The following TBL1XR1 variants were observed in gnomAD, a reference collection of about 807,000 sequenced individuals.
TBL1XR1 encodes the protein TBL1X/Y related 1.
A neutral mutation model predicts 66.9 loss-of-function variants in TBL1XR1; 5 were observed. The observed-to-expected ratio is 0.07, with a 90% CI of 0.04 to 0.16. The LOEUF (loss-of-function observed/expected upper bound fraction) is 0.16, where lower values mean the gene tolerates loss of function less well. Ranked by LOEUF, TBL1XR1 falls within the 10% of genes least tolerant of loss-of-function variation. The pLI is 1.00. For missense variants in TBL1XR1, 238 were observed against 623.2 expected (o/e 0.38, Z 6.58); for synonymous variants, 210 against 206.0 (o/e 1.02, Z -0.17).
chr3:177,139,512 G>A (rs1337105896), intron 1 of TBL1XR1, among the ~76,000 whole-genome samples: 1 of 149,672 alleles, frequency 6.7e-6, no homozygotes, highest in Non-Finnish European at 1.5e-5. Flanking sequence ...TCCAGCCTGG[G>A]TGACAAAGCA....
At chr3:177,175,038 CT>C (rs1303761941) in intron 1 of TBL1XR1, among the ~76,000 whole-genome samples, 1 of 152,180 alleles carries the variant, frequency 6.6e-6, no homozygotes, top group Admixed American at 6.5e-5. Flanking sequence ...TGTTTGGCAT[CT>C]TTATTCCCTG....
chr3:177,200,298 C>T (rs112238672), upstream of TBL1XR1, among the ~76,000 whole-genome samples: 1 of 151,984 alleles, frequency 6.6e-6, no homozygotes, highest in Admixed American at 6.6e-5. Context: ...AACAAACAAA[C>T]AAAAATAGGG....
intron 1 of TBL1XR1, among the ~76,000 whole-genome samples, chr3:177,122,613 A>G (rs1727109443): frequency 6.6e-6 from 1 of 152,128 alleles, no homozygotes; most frequent in Non-Finnish European, 1.5e-5. Context: ...TAGCTTTCAT[A>G]ATGTTATTAA....
chr3:177,038,204 T>C (rs952950625), intron 11 of TBL1XR1, 32 bp from the exon 12 acceptor site: 3 of 1,608,610 alleles, frequency 1.9e-6, no homozygotes, highest in African/African-American at 2.7e-5. Context: ...CACATTTTCA[T>C]TGTATAGACT....
At chr3:177,159,485 A>C (rs1328448287) in intron 1 of TBL1XR1, among the ~76,000 whole-genome samples, 1 of 152,216 alleles carries the variant, frequency 6.6e-6, no homozygotes, top group East Asian at 1.9e-4. Flanking sequence ...ATAAATGACA[A>C]GCTTGATCAA....
At chr3:177,156,458 C>A (rs186599994) in intron 1 of TBL1XR1, among the ~76,000 whole-genome samples, 2 of 150,078 alleles carry the variant, frequency 1.3e-5, no homozygotes, top group Non-Finnish European at 3.0e-5. Flanking sequence ...AAGAACACGC[C>A]ATTGCAGCCT....
chr3:177,177,313 G>C (rs1489216944), intron 1 of TBL1XR1, among the ~76,000 whole-genome samples: 1 of 152,030 alleles, frequency 6.6e-6, no homozygotes, highest in Non-Finnish European at 1.5e-5. Flanking sequence ...AACCGGGTGT[G>C]GTGGCGTGCG....
At chr3:177,196,194 A>G (rs1454965680) in intron 1 of TBL1XR1, 1 of 152,156 alleles carries the variant, frequency 6.6e-6, no homozygotes, top group Non-Finnish European at 1.5e-5. Context: ...GCTGCCATTT[A>G]AGATTAATAT....
rs958824432 is a variant in TBL1XR1, at chr3:177,135,004, G to A, written c.-121-36463C>T. 3.0e-4 allele frequency among the ~76,000 whole-genome samples: 23 copies of A among 75,890 alleles called. 1 individual carries two copies. The highest frequency in any genetic ancestry group is 6.2e-4 in the South Asian group (2 of 3,232). The allele number at this position is 75,890 out of a possible 152,430, so 49.8% of individuals were successfully genotyped here. A position where few individuals can be genotyped will look rare whatever the true frequency, so the allele number is the denominator to read the frequency against. ...CTGTGTGTGTGTGTTTTGAGACGGC[G>A]TCTTGCTCTGTCACTCAGGCTGGAG... On this transcript the variant is annotated intron_variant, in intron 1 of 15. Coordinates refer to ENST00000457928, the MANE Select transcript of TBL1XR1 (RefSeq NM_024665.7).
At chr3:177,043,361 T>C (rs1341353747) in intron 10 of TBL1XR1, among the ~76,000 whole-genome samples, 2 of 152,184 alleles carry the variant, frequency 1.3e-5, no homozygotes, top group Admixed American at 1.3e-4. Context: ...TGCATTATCA[T>C]TTTAAAATGT....
At chr3:177,077,896 T>C (rs538439397) in intron 2 of TBL1XR1, among the ~76,000 whole-genome samples, 3 of 152,336 alleles carry the variant, frequency 2.0e-5, no homozygotes, top group African/African-American at 4.8e-5. Flanking sequence ...AGTCAGAACG[T>C]TGACATTTTC....
At chr3:177,192,381 A>C (rs1023703160) in intron 1 of TBL1XR1, among the ~76,000 whole-genome samples, 1 of 150,384 alleles carries the variant, frequency 6.6e-6, no homozygotes, top group Non-Finnish European at 1.5e-5. Flanking sequence ...GGCAACAAAC[A>C]AAGTGAGACT....
At position 177,197,281 on chromosome 3, in the gene TBL1XR1, G is replaced by C. The variant is rs1477883503; in HGVS notation, c.-282C>G. On this transcript the variant is annotated 5_prime_UTR_variant, in exon 1 of 16. It adds an upstream start codon to the 5' untranslated region. Transcript: ENST00000457928. Reference sequence around the variant, plus strand: ...ACCCCAGCGAGCGGAGGGCGCGGGGGATGGGCGCCGGGCGGGCGGGGGCGG... The same window carrying C: ...ACCCCAGCGAGCGGAGGGCGCGGGGCATGGGCGCCGGGCGGGCGGGGGCGG... 2 of 150,650 alleles carry C rather than the reference G, an allele frequency of 1.3e-5. No individual in the cohort carries two copies. The highest frequency in any genetic ancestry group is 3.9e-4 in the East Asian group (2 of 5,102). 9.3% of individuals were successfully genotyped at this position (150,650 alleles called of 1,614,324 possible).
intron 1 of TBL1XR1, among the ~76,000 whole-genome samples, chr3:177,167,831 A>G (rs755791935): frequency 7.9e-5 from 12 of 152,140 alleles, no homozygotes; most frequent in Non-Finnish European, 1.6e-4. Context: ...GCTACTCGGG[A>G]GGCTGAGACT....
chr3:177,127,006 A>C (rs1196777532), intron 1 of TBL1XR1, among the ~76,000 whole-genome samples: 2 of 152,234 alleles, frequency 1.3e-5, no homozygotes, highest in Non-Finnish European at 2.9e-5. Flanking sequence ...TTGGTGAACT[A>C]ACCTACAGTT....
intron 1 of TBL1XR1, among the ~76,000 whole-genome samples, chr3:177,117,277 C>T (rs957899630): frequency 3.3e-5 from 5 of 152,100 alleles, no homozygotes; most frequent in East Asian, 1.9e-4. Flanking sequence ...ATAGTAGCTG[C>T]GAAGCAATGA....
intron 2 of TBL1XR1, chr3:177,079,840 T>C (rs1238575646): frequency 1.3e-5 from 2 of 151,444 alleles, no homozygotes; most frequent in African/African-American, 4.8e-5. Context: ...GTATGTGATG[T>C]TGCTGAGTTC....
At chr3:177,095,829 G>C (rs1006151602) in intron 2 of TBL1XR1, among the ~76,000 whole-genome samples, 2 of 152,106 alleles carry the variant, frequency 1.3e-5, no homozygotes, top group Non-Finnish European at 2.9e-5. Context: ...GGTAAAAGAA[G>C]AGTGAAGGCA....
At position 177,197,323 on chromosome 3, in the gene TBL1XR1, C is replaced by T; in HGVS notation, c.-324G>A. 7.1e-6 allele frequency: 1 copy of T among 140,318 alleles called. No individual in the cohort carries two copies. Among genetic ancestry groups the T allele is most frequent in the South Asian group, 1.9e-4 (1 of 5,134 alleles). The allele number at this position is 140,318 out of a possible 1,614,324, so 8.7% of individuals were successfully genotyped here. A position where few individuals can be genotyped will look rare whatever the true frequency, so the allele number is the denominator to read the frequency against. On this transcript the variant is annotated 5_prime_UTR_variant, in exon 1 of 16. Transcript: ENST00000457928. ...CGGGGGCGGGGAGCGCGGCGCGGGT[C>T]CCCAGGTGGCGAGCGGAGGTGCTCC...
Sources: allele counts gnomAD v4.1 joint callset (sites outside exome capture counted in the v4.1 genomes callset), GRCh38; gene constraint gnomAD v4.1.1; transcripts MANE v1.5; gene names NCBI Gene and HGNC (gene_info 2026-07-23, HGNC 2026-07-21).